IGF2BP2: variants seen among roughly 807,000 people sequenced by gnomAD.
IGF2BP2 encodes the protein insulin-like growth factor 2 mRNA-binding protein 2.
Under a neutral mutation model 75.8 loss-of-function variants are expected in IGF2BP2, and 17 were observed. The ratio of observed to expected loss-of-function variants is 0.22; its 90% CI spans 0.15 to 0.34. IGF2BP2 has a LOEUF of 0.34. Among genes scored for constraint, IGF2BP2 ranks in the 10% least tolerant of loss-of-function variants. The pLI, the probability that IGF2BP2 is intolerant of heterozygous loss-of-function variation, is 1.00. For missense variants in IGF2BP2, 516 were observed against 772.4 expected, an observed-to-expected ratio of 0.67 and a Z score of 3.93; for synonymous variants, 288 against 295.6, an observed-to-expected ratio of 0.97 and a Z score of 0.26.
At chr3:185,770,903 A>AC (rs1733782347) in intron 2 of IGF2BP2, among the ~76,000 whole-genome samples, 1 of 152,134 alleles carries the variant, frequency 6.6e-6, no homozygotes, top group South Asian at 2.1e-4. Flanking sequence ...GATGTGCATG[A>AC]CCACATCTGG....
intron 3 of IGF2BP2, among the ~76,000 whole-genome samples, chr3:185,697,277 T>C (rs944336644): frequency 1.3e-5 from 2 of 152,178 alleles, no homozygotes; most frequent in Non-Finnish European, 2.9e-5. Context: ...GGCTAATTTT[T>C]GTATTTTTAG....
At chr3:185,655,820 GCT>G (rs1269419440) in intron 12 of IGF2BP2, among the ~76,000 whole-genome samples, 1 of 152,180 alleles carries the variant, frequency 6.6e-6, no homozygotes, top group Non-Finnish European at 1.5e-5. Context: ...GCAAATCTTG[GCT>G]CTCTCATTCT....
At chr3:185,792,969 A>AGCACACAAGG (rs1233846322) in intron 2 of IGF2BP2, among the ~76,000 whole-genome samples, 7 of 152,138 alleles carry the variant, frequency 4.6e-5, no homozygotes, top group African/African-American at 7.2e-5. Context: ...CTACTGCCTT[A>AGCACACAAGG]GCACACAAGG....
Position 185,689,361 on chromosome 3 carries a change from T to A in IGF2BP2, c.671A>T (p.Gln224Leu). The change falls in exon 6 of 16, where the codon CAG becomes CTG. Residue 224 changes from glutamine to leucine, a missense_variant. Physicochemically the swap from Gln to Leu is moderately radical, Grantham distance 113. This residue lies in a region of IGF2BP2 where 312 missense variants were observed against 474.5 expected (regional missense o/e 0.66). Transcript: ENST00000382199. ...LTIKNITKQT[Q>L]SRVDIHRKEN... Reference sequence around the variant, plus strand: ...AAGCCCCACAGGCACGTACCGGGACTGGGTCTGCTTAGTGATGTTCTTTAT... The same window carrying A: ...AAGCCCCACAGGCACGTACCGGGACAGGGTCTGCTTAGTGATGTTCTTTAT... The A allele has an allele frequency of 6.2e-7, 1 of 1,613,032 alleles. No individual in the cohort carries two copies. Among genetic ancestry groups the A allele is most frequent in the Non-Finnish European group, 8.5e-7 (1 of 1,179,876 alleles).
At chr3:185,819,700 G>A (rs1385980419) in intron 2 of IGF2BP2, among the ~76,000 whole-genome samples, 2 of 151,994 alleles carry the variant, frequency 1.3e-5, no homozygotes, top group African/African-American at 4.8e-5. Flanking sequence ...ATCTATGTAA[G>A]TAAATGCAGG....
At chr3:185,760,519 ACT>A (rs1732216739) in intron 2 of IGF2BP2, among the ~76,000 whole-genome samples, 2 of 151,954 alleles carry the variant, frequency 1.3e-5, no homozygotes, top group African/African-American at 2.4e-5. Context: ...CCAAAAAGAA[ACT>A]CTGTACCCAT....
rs563008584 is a variant in IGF2BP2, at chr3:185,775,893, G to A, written c.239+47260C>T. On this transcript the variant is annotated intron_variant, in intron 2 of 15. Transcript: ENST00000382199. Reference sequence around the variant, plus strand: ...CCTAGAGAAATACTTATATATAAGCGTGAATAATAGGATATTACAAAAATG... The same window carrying A: ...CCTAGAGAAATACTTATATATAAGCATGAATAATAGGATATTACAAAAATG... 5.3e-4 allele frequency among the ~76,000 whole-genome samples: 80 copies of A among 152,274 alleles called. 1 individual carries two copies. The highest frequency in any genetic ancestry group is 1.1e-3 in the Non-Finnish European group (76 of 68,016).
At chr3:185,702,486 T>G (rs1167742102) in intron 2 of IGF2BP2, among the ~76,000 whole-genome samples, 1 of 152,148 alleles carries the variant, frequency 6.6e-6, no homozygotes, top group Non-Finnish European at 1.5e-5. Context: ...GGAAAATAAT[T>G]CTTTGTCCTT....
chr3:185,752,073 T>C (rs1393408635), intron 2 of IGF2BP2, among the ~76,000 whole-genome samples: 3 of 152,220 alleles, frequency 2.0e-5, no homozygotes, highest in Non-Finnish European at 4.4e-5. Context: ...CTTCTTCACT[T>C]AGTATATTGT....
chr3:185,659,105 G>C (rs542505112), intron 10 of IGF2BP2, among the ~76,000 whole-genome samples: 2 of 152,144 alleles, frequency 1.3e-5, no homozygotes, highest in African/African-American at 4.8e-5. Flanking sequence ...TCTGGTCCCA[G>C]TTACTCAGGA....
At chr3:185,746,459 C>A (rs1274197067) in intron 2 of IGF2BP2, among the ~76,000 whole-genome samples, 1 of 152,150 alleles carries the variant, frequency 6.6e-6, no homozygotes, top group Non-Finnish European at 1.5e-5. Context: ...ATCTACTTAA[C>A]GATTATTTTC....
In IGF2BP2 at chr3:185,822,343, G is replaced by C. The variant is rs9862583; in HGVS notation, c.239+810C>G. Among the ~76,000 whole-genome samples the C allele has an allele frequency of 3.0e-3, 462 of 152,092 alleles. 15 individuals carry two copies. The highest frequency in any genetic ancestry group is 0.022 in the East Asian group (112 of 5,184). ...ATAAACTAAGTTTCGACACACAGCA[G>C]AAGAAAAAAATTTAGAATGAGTAAT... On this transcript the variant is annotated intron_variant, in intron 2 of 15. Coordinates refer to ENST00000382199, the MANE Select transcript of IGF2BP2 (RefSeq NM_006548.6).
chr3:185,649,265 GGA>G (rs1714143475), intron 14 of IGF2BP2, 136 bp downstream of exon 14: 1 of 1,167,368 alleles, frequency 8.6e-7, no homozygotes, highest in South Asian at 1.5e-5. Flanking sequence ...TCAGATGCCA[GGA>G]GAGCCTTAGT....
chr3:185,662,050 G>A (rs1463369148), intron 10 of IGF2BP2, among the ~76,000 whole-genome samples: 1 of 152,154 alleles, frequency 6.6e-6, no homozygotes, highest in Non-Finnish European at 1.5e-5. Flanking sequence ...GCACCAGTGG[G>A]CTACAGACTT....
Position 185,687,186 on chromosome 3 carries a change from T to A in IGF2BP2, c.683A>T (p.Asp228Val). 6.2e-7 allele frequency: 1 copy of A among 1,605,912 alleles called. No homozygotes were observed. The highest frequency in any genetic ancestry group is 8.5e-7 in the Non-Finnish European group (1 of 1,178,206). ...TCCAGAGTTCTCTTTTCTATGGATA[T>A]CTACCCTGTAGGAAAAGAATCAGGA... ...NITKQTQSRV[D>V]IHRKENSGAA... Residue 228 changes from aspartate to valine, a missense_variant, in exon 7 of 16, where the codon GAT becomes GTT. Physicochemically the swap from Asp to Val is radical, Grantham distance 152. Transcript: ENST00000382199.
chr3:185,696,458 A>G (rs1396197916), intron 4 of IGF2BP2, 154 bp downstream of exon 4: 1 of 647,296 alleles, frequency 1.5e-6, no homozygotes, highest in African/African-American at 1.8e-5. Flanking sequence ...ACATCTATGT[A>G]AGATACATCT....
intron 2 of IGF2BP2, among the ~76,000 whole-genome samples, chr3:185,748,717 C>T (rs2149612724): frequency 6.6e-6 from 1 of 152,318 alleles, no homozygotes; most frequent in East Asian, 1.9e-4. Flanking sequence ...TCAAAAGTCA[C>T]CCTGGTAAGT....
At chr3:185,662,801 C>T (rs1716682789) in intron 10 of IGF2BP2, among the ~76,000 whole-genome samples, 1 of 152,028 alleles carries the variant, frequency 6.6e-6, no homozygotes, top group Non-Finnish European at 1.5e-5. Context: ...CCACGGCCTC[C>T]CAAAGTGCTG....
At chr3:185,760,051 A>G (rs959470767) in intron 2 of IGF2BP2, among the ~76,000 whole-genome samples, 1 of 152,226 alleles carries the variant, frequency 6.6e-6, no homozygotes, top group African/African-American at 2.4e-5. Context: ...AAATCACAAT[A>G]CCATTACCAA....
Sources: allele counts gnomAD v4.1 joint callset (sites outside exome capture counted in the v4.1 genomes callset), GRCh38; gene constraint gnomAD v4.1.1; regional missense constraint gnomAD v4.1.1; transcripts MANE v1.5; gene names NCBI Gene and HGNC (gene_info 2026-07-23, HGNC 2026-07-21).